Variants in SMC4 observed in about 807,000 individuals in gnomAD.
The protein encoded by SMC4 is structural maintenance of chromosomes 4.
SMC4 carries 87 observed loss-of-function variants against 145.6 expected under a neutral mutation model. The observed-to-expected ratio is 0.60, with a 90% confidence interval of 0.50 to 0.71. SMC4 has a LOEUF of 0.71. Ranked by LOEUF, SMC4 falls within the 30% of genes least tolerant of loss-of-function variation. The probability of loss-of-function intolerance (pLI) is 0.00; values close to 1 mark genes in which losing one functional copy is unlikely to be tolerated. For missense variants in SMC4, 1,447 were observed against 1,537.1 expected (o/e 0.94, Z 0.98); for synonymous variants, 558 against 500.7 (o/e 1.11, Z -1.53).
intron 5 of SMC4, among the ~76,000 whole-genome samples, chr3:160,407,510 A>G (rs2108455719): frequency 6.6e-6 from 1 of 152,110 alleles, no homozygotes; most frequent in African/African-American, 2.4e-5. Flanking sequence ...CCAACATCGT[A>G]CCACTGCACT....
Position 160,416,421 on chromosome 3 carries a change from T to C in SMC4, c.1437+6T>C. Reference sequence around the variant, plus strand: ...GGCTTCAGAAAGAAAAAGAAGTAAGTTTTTTTTTTTTATCAGTGTTTATTT... The same window carrying C: ...GGCTTCAGAAAGAAAAAGAAGTAAGCTTTTTTTTTTTATCAGTGTTTATTT... On this transcript the variant is annotated splice_donor_region_variant and intron_variant, in intron 10 of 23. Coordinates refer to ENST00000357388, the MANE Select transcript of SMC4 (RefSeq NM_001002800.3). 1 of 1,073,458 alleles carries C rather than the reference T, an allele frequency of 9.3e-7. No individual in the cohort carries two copies. The highest frequency in any genetic ancestry group is 1.3e-6 in the Non-Finnish European group (1 of 797,948). The allele number at this position is 1,073,458 out of a possible 1,614,324, so 66.5% of individuals were successfully genotyped here.
intron 18 of SMC4, among the ~76,000 whole-genome samples, chr3:160,429,815 C>T (rs988890608): frequency 1.3e-5 from 2 of 150,428 alleles, no homozygotes; most frequent in Admixed American, 1.3e-4. Context: ...CTCCCAGGTT[C>T]AAGTGATTCT....
At chr3:160,417,399 G>A (rs373114790) in intron 10 of SMC4, among the ~76,000 whole-genome samples, 1 of 152,254 alleles carries the variant, frequency 6.6e-6, no homozygotes, top group African/African-American at 2.4e-5. Flanking sequence ...GATTTTCACT[G>A]TTTGCTTATT....
intron 7 of SMC4, chr3:160,412,698 CA>C (rs1327080816): frequency 2.7e-5 from 21 of 789,258 alleles, no homozygotes; most frequent in Admixed American, 2.6e-4. Context: ...CCCATCTCTA[CA>C]AAAAAAGGAA....
intron 4 of SMC4, chr3:160,403,986 AT>A (rs569319178): frequency 1.6e-3 from 348 of 215,868 alleles, no homozygotes; most frequent in African/African-American, 7.9e-3. Context: ...ATCTGTCAAC[AT>A]GTTAATAATT....
chr3:160,431,779 A>G lies in SMC4; in HGVS notation c.3251A>G (p.His1084Arg). Residue 1084 changes from histidine (H) to arginine (R), a missense_variant, in exon 21 of 24, where the codon CAT becomes CGT. By Grantham distance (29) the His-to-Arg change is conservative. Transcript: ENST00000357388. ...NQIALLEARC[H>R]EMKPNLGAIA... The stretch of plus-strand genomic sequence containing the variant: ...ATTGCACTTTTGGAAGCCCGGTGTC[A>G]TGAAATGAAACCAAACCTCGGTGCC... The G allele has an allele frequency of 6.2e-7, 1 of 1,613,988 alleles. No homozygotes were observed.
intron 5 of SMC4, among the ~76,000 whole-genome samples, chr3:160,410,113 C>T (rs936628455): frequency 6.6e-6 from 1 of 152,094 alleles, no homozygotes; most frequent in Non-Finnish European, 1.5e-5. Flanking sequence ...AAACTGCAGC[C>T]TCTAGATCAG....
intron 18 of SMC4, among the ~76,000 whole-genome samples, chr3:160,429,164 C>T (rs895581230): frequency 6.6e-6 from 1 of 151,908 alleles, no homozygotes; most frequent in African/African-American, 2.4e-5. Context: ...TAGGAAAGTA[C>T]AGGTAGACTG....
Position 160,433,423 on chromosome 3 carries a change from TTAG to T in SMC4, c.3714+218_3714+220del, listed in dbSNP as rs1212712221. 7.4e-6 allele frequency: 4 copies of T among 539,796 alleles called. No homozygotes were observed. The East Asian group carries it at 9.1e-5, about 12-fold the overall frequency. The allele number at this position is 539,796 out of a possible 1,614,324, so 33.4% of individuals were successfully genotyped here. On this transcript the variant is annotated intron_variant, in intron 23 of 23. Coordinates refer to ENST00000357388, the MANE Select transcript of SMC4 (RefSeq NM_001002800.3). ...GTAAAATATAAATTAAAAATGCAAA[TTAG>T]TAGCAGAATCACAGCTAGAATCCTA...
In SMC4 at chr3:160,434,407, G is replaced by A. The variant is rs1223916339; in HGVS notation, c.*598G>A. On this transcript the variant is annotated 3_prime_UTR_variant, in exon 24 of 24. Coordinates refer to ENST00000357388, the MANE Select transcript of SMC4 (RefSeq NM_001002800.3). ...TCAACAAGCCTAGGCTATCTCGTAA[G>A]TTGAAAAATATCCCACTATAGTTGC... 6.6e-6 allele frequency: 1 copy of A among 152,140 alleles called. No homozygotes were observed. Among genetic ancestry groups the A allele is most frequent in the Non-Finnish European group, 1.5e-5 (1 of 68,050 alleles). The allele number at this position is 152,140 out of a possible 1,614,324, so 9.4% of individuals were successfully genotyped here.
intron 21 of SMC4, among the ~76,000 whole-genome samples, 167 bp from the exon 22 acceptor site, chr3:160,432,116 C>T (rs1419247341): frequency 6.6e-6 from 1 of 152,210 alleles, no homozygotes; most frequent in Non-Finnish European, 1.5e-5. Flanking sequence ...GCAGGAGAAT[C>T]GCTTGAACCT....
At chr3:160,413,277 T>C (rs1716218156) in intron 7 of SMC4, among the ~76,000 whole-genome samples, 196 bp from the exon 8 acceptor site, 1 of 151,954 alleles carries the variant, frequency 6.6e-6, no homozygotes, top group Non-Finnish European at 1.5e-5. Flanking sequence ...GGCCACCACA[T>C]TGGTACAATG....
intron 9 of SMC4, 46 bp from the exon 10 acceptor site, chr3:160,416,205 G>A (rs767909255): frequency 4.4e-6 from 6 of 1,362,578 alleles, no homozygotes; most frequent in Admixed American, 2.3e-5. Flanking sequence ...GATAGTATTG[G>A]GTAACATAAA....
intron 12 of SMC4, among the ~76,000 whole-genome samples, chr3:160,420,088 G>A (rs761811110): frequency 5.3e-5 from 8 of 152,092 alleles, no homozygotes; most frequent in Non-Finnish European, 7.4e-5. Context: ...TCTTAGCTTC[G>A]AGGGAAGGGA....
At position 160,404,578 on chromosome 3, in the gene SMC4, T is replaced by A. The variant is rs747141908; in HGVS notation, c.687+74T>A. ...TTTCTATAAAGCTAGGTTGGATGAA[T>A]CCTACATTTTTGAGGCCTTAAAGTA... On this transcript the variant is annotated intron_variant, in intron 5 of 23. Transcript: ENST00000357388. The A allele has an allele frequency of 6.2e-6, 9 of 1,455,714 alleles. No homozygotes were observed. The Admixed American group carries it at 8.4e-5, about 14-fold the overall frequency. The allele number at this position is 1,455,714 out of a possible 1,614,324, so 90.2% of individuals were successfully genotyped here.
In SMC4 at chr3:160,402,653, T is replaced by C. The variant is rs765238439; in HGVS notation, c.319-23T>C. The C allele has an allele frequency of 1.4e-5, 22 of 1,590,714 alleles. No individual in the cohort carries two copies. The Admixed American group carries it at 4.0e-4, about 29-fold the overall frequency. On this transcript the variant is annotated intron_variant, in intron 3 of 23. Coordinates refer to ENST00000357388, the MANE Select transcript of SMC4 (RefSeq NM_001002800.3). ...ATGACCTTATGAACTTTTCCGTGTTTTGTTTTTGTTTTTTTAATGCAGCGC... is the reference window on the plus strand; with the variant it reads ...ATGACCTTATGAACTTTTCCGTGTTCTGTTTTTGTTTTTTTAATGCAGCGC...
Position 160,412,393 on chromosome 3 carries a change from A to T in SMC4, c.920A>T (p.Glu307Val). Residue 307 changes from glutamate (E) to valine (V), a missense_variant, in exon 7 of 24, where the codon GAA (glutamate) becomes GTA (valine). Coordinates refer to ENST00000357388, the MANE Select transcript of SMC4 (RefSeq NM_001002800.3). ...ALEGEKNIAI[E>V]FLTLENEIFR... ...GAAGGAGAGAAAAACATAGCTATCG[A>T]ATTTCTTACCTTGGAAAATGAAATA... The T allele has an allele frequency of 6.2e-7, 1 of 1,605,604 alleles. No individual in the cohort carries two copies. Among genetic ancestry groups the T allele is most frequent in the Non-Finnish European group, 8.5e-7 (1 of 1,172,736 alleles).
chr3:160,431,875 A>T, intron 21 of SMC4, 50 bp downstream of exon 21: 1 of 1,529,564 alleles, frequency 6.5e-7, no homozygotes, highest in Non-Finnish European at 8.9e-7. Context: ...TTTAGTCCTT[A>T]GCCTAAATTC....
rs951720862 is a variant in SMC4 at position 160,400,807 on chromosome 3, G to A, written c.-5-15G>A. 6.6e-7 allele frequency: 1 copy of A among 1,508,538 alleles called. No homozygotes were observed. Among genetic ancestry groups the A allele is most frequent in the Non-Finnish European group, 8.8e-7 (1 of 1,138,754 alleles). 93.4% of individuals were successfully genotyped at this position (1,508,538 alleles called of 1,614,324 possible). A position where few individuals can be genotyped will look rare whatever the true frequency, so the allele number is the denominator to read the frequency against. On this transcript the variant is annotated splice_polypyrimidine_tract_variant and intron_variant, in intron 1 of 23. Transcript: ENST00000357388. ...CCCGCGGGCTGACTTGCTCCCGGCT[G>A]TCCCCCGGCCCCAGCGACCATGCCC...
Sources: allele counts gnomAD v4.1 joint callset (sites outside exome capture counted in the v4.1 genomes callset), GRCh38; gene constraint gnomAD v4.1.1; transcripts MANE v1.5; gene names NCBI Gene and HGNC (gene_info 2026-07-23, HGNC 2026-07-21).